The following SPAG16 variants were observed in gnomAD, a reference collection of about 807,000 sequenced individuals.
SPAG16 encodes sperm-associated antigen 16 protein.
In SPAG16, 86 loss-of-function variants were observed where a neutral mutation model predicts 80.4. The observed-to-expected ratio is 1.07, with a 90% CI of 0.90 to 1.28. The LOEUF is 1.28. SPAG16 is among the 50% of genes most tolerant of loss of function. SPAG16 has a pLI of 0.00. For missense variants in SPAG16, 870 were observed against 765.3 expected, an observed-to-expected ratio of 1.14 and a Z score of -1.61; for synonymous variants, 294 against 265.9, an observed-to-expected ratio of 1.11 and a Z score of -1.03.
At chr2:213,711,789 G>T (rs1337677320) in intron 10 of SPAG16, among the ~76,000 whole-genome samples, 1 of 151,478 alleles carries the variant, frequency 6.6e-6, no homozygotes, top group Non-Finnish European at 1.5e-5. Flanking sequence ...CAAAGTGCTG[G>T]GATTATAGGT....
intron 15 of SPAG16, among the ~76,000 whole-genome samples, chr2:214,203,322 GACTA>G (rs1421592313): frequency 2.6e-5 from 4 of 152,220 alleles, no homozygotes; most frequent in African/African-American, 7.2e-5. Context: ...TAGGAGGCAG[GACTA>G]ACTTTCAGCT....
rs541607816 is a variant in SPAG16, at chr2:214,359,326, G to A, written c.1721-50814G>A. Among the ~76,000 whole-genome samples the A allele has an allele frequency of 6.6e-5, 10 of 151,930 alleles. No individual in the cohort carries two copies. In the East Asian group the frequency reaches 1.9e-3, roughly 29 times the overall value. On this transcript the variant is annotated intron_variant, in intron 15 of 15. Transcript: ENST00000331683. ...GGTTTAAACTCAGGTCTGCCTGACTGCAGATCCTATACCCTTACTATATAC... is the reference window on the plus strand; with the variant it reads ...GGTTTAAACTCAGGTCTGCCTGACTACAGATCCTATACCCTTACTATATAC...
chr2:213,679,405 T>C (rs1400366640), intron 10 of SPAG16, among the ~76,000 whole-genome samples: 2 of 152,212 alleles, frequency 1.3e-5, no homozygotes, highest in East Asian at 1.9e-4. Flanking sequence ...CTCCAGAAAG[T>C]AGAACTAACC....
At chr2:213,369,954 G>A (rs73990323) in intron 8 of SPAG16, among the ~76,000 whole-genome samples, 1,991 of 152,194 alleles carry the variant, frequency 0.013, 42 homozygotes, top group African/African-American at 0.044. Flanking sequence ...GATGTTGTAC[G>A]TTCTGTGGAA....
chr2:213,927,558 A>G (rs2078540982), intron 11 of SPAG16, among the ~76,000 whole-genome samples: 1 of 152,134 alleles, frequency 6.6e-6, no homozygotes, highest in South Asian at 2.1e-4. Flanking sequence ...TATATTTGAT[A>G]TATTTTGGAT....
chr2:214,300,605 G>C (rs911527136), intron 15 of SPAG16, among the ~76,000 whole-genome samples: 1 of 151,936 alleles, frequency 6.6e-6, no homozygotes, highest in Non-Finnish European at 1.5e-5. Flanking sequence ...CACAGATAAA[G>C]GCATAATTGA....
intron 9 of SPAG16, among the ~76,000 whole-genome samples, chr2:213,480,823 C>T (rs1416730058): frequency 6.6e-6 from 1 of 152,162 alleles, no homozygotes; most frequent in African/African-American, 2.4e-5. Flanking sequence ...GATTATTTTA[C>T]ATATAACATG....
chr2:213,618,220 T>C (rs543651843), intron 10 of SPAG16, among the ~76,000 whole-genome samples: 44 of 152,304 alleles, frequency 2.9e-4, no homozygotes, highest in Admixed American at 1.2e-3. Context: ...CCAAATCATA[T>C]TTCTGACTCT....
chr2:213,535,528 T>A (rs1307608579), intron 10 of SPAG16, among the ~76,000 whole-genome samples: 1 of 152,142 alleles, frequency 6.6e-6, no homozygotes, highest in Non-Finnish European at 1.5e-5. Flanking sequence ...AACAAACTTT[T>A]TTGTAATTTC....
At chr2:213,901,170 T>C (rs1215178248) in intron 11 of SPAG16, among the ~76,000 whole-genome samples, 1 of 152,218 alleles carries the variant, frequency 6.6e-6, no homozygotes, top group African/African-American at 2.4e-5. Flanking sequence ...AAATATTTTC[T>C]ACTTTATGGA....
intron 15 of SPAG16, among the ~76,000 whole-genome samples, chr2:214,300,254 G>A (rs1339582940): frequency 6.6e-6 from 1 of 151,980 alleles, no homozygotes; most frequent in Non-Finnish European, 1.5e-5. Context: ...TTATTCAATT[G>A]TTAAAAGCTA....
At chr2:214,375,588 G>A (rs1158042575) in intron 15 of SPAG16, among the ~76,000 whole-genome samples, 1 of 152,034 alleles carries the variant, frequency 6.6e-6, no homozygotes, top group African/African-American at 2.4e-5. Flanking sequence ...AGAAAAAATC[G>A]CTGTGCAGCA....
chr2:213,694,510 A>C (rs1419561650), intron 10 of SPAG16, among the ~76,000 whole-genome samples: 1 of 152,208 alleles, frequency 6.6e-6, no homozygotes, highest in East Asian at 1.9e-4. Flanking sequence ...ATAGCCAAAA[A>C]GTCACAATGA....
chr2:213,373,963 C>G (rs998852974), intron 8 of SPAG16, among the ~76,000 whole-genome samples: 2 of 152,138 alleles, frequency 1.3e-5, no homozygotes, highest in Non-Finnish European at 2.9e-5. Flanking sequence ...TTAATCTCAA[C>G]AAGCTGTAAT....
chr2:213,619,953 C>T (rs1336085093), intron 10 of SPAG16, among the ~76,000 whole-genome samples: 1 of 152,124 alleles, frequency 6.6e-6, no homozygotes, highest in African/African-American at 2.4e-5. Context: ...AAATGTGGTA[C>T]ATATACACAA....
chr2:213,942,694 A>C (rs1443809477), intron 12 of SPAG16, among the ~76,000 whole-genome samples: 1 of 152,234 alleles, frequency 6.6e-6, no homozygotes, highest in Non-Finnish European at 1.5e-5. Flanking sequence ...CCAATGAACA[A>C]GAACTCATTT....
chr2:213,691,981 T>A (rs1257865904), intron 10 of SPAG16, among the ~76,000 whole-genome samples: 1 of 152,202 alleles, frequency 6.6e-6, no homozygotes, highest in Admixed American at 6.5e-5. Context: ...CAAATGTGGT[T>A]CATTCCCAAA....
intron 15 of SPAG16, among the ~76,000 whole-genome samples, chr2:214,400,041 CA>C (rs1701618065): frequency 6.6e-6 from 1 of 152,002 alleles, no homozygotes; most frequent in Non-Finnish European, 1.5e-5. Context: ...TTAATTAGAA[CA>C]TTTTTAGGAC....
At chr2:213,654,907 T>G (rs10460417) in intron 10 of SPAG16, among the ~76,000 whole-genome samples, 65,891 of 152,044 alleles carry the variant, frequency 0.43, 15,129 homozygotes, top group African/African-American at 0.57. Context: ...AAACGGTGAA[T>G]GATACTTTGA....
Sources: allele counts gnomAD v4.1 joint callset (sites outside exome capture counted in the v4.1 genomes callset), GRCh38; gene constraint gnomAD v4.1.1; transcripts MANE v1.5; gene names NCBI Gene and HGNC (gene_info 2026-07-23, HGNC 2026-07-21).